The following ZDHHC15 variants were observed in gnomAD, a reference collection of about 807,000 sequenced individuals.
ZDHHC15 encodes the protein palmitoyltransferase ZDHHC15.
A neutral mutation model predicts 31.7 loss-of-function variants in ZDHHC15; 19 were observed. That is an observed-to-expected ratio of 0.60 (90% CI 0.42 to 0.88). The LOEUF is 0.88. Among genes scored for constraint, ZDHHC15 ranks in the 40% least tolerant of loss-of-function variants. ZDHHC15 has a pLI of 0.00. For synonymous variants in ZDHHC15, 103 were observed against 90.0 expected (o/e 1.14, Z -0.82); for missense variants, 209 against 251.2 (o/e 0.83, Z 1.14).
chrX:75,456,582 T>C (rs1174560526), intron 3 of ZDHHC15, among the ~76,000 whole-genome samples: 1 of 111,532 alleles, frequency 9.0e-6, no homozygotes, highest in African/African-American at 3.3e-5. Context: ...GAAAGAGGAA[T>C]GTTTTTATAC....
chrX:75,414,426 C>CT (rs1177332052), intron 10 of ZDHHC15, among the ~76,000 whole-genome samples: 5,133 of 66,159 alleles, frequency 0.078, 910 homozygotes, highest in African/African-American at 0.29. Flanking sequence ...CATATTTTAT[C>CT]TTTTTTTTTT....
At chrX:75,398,082 C>T (rs919149153) in intron 10 of ZDHHC15, among the ~76,000 whole-genome samples, 1 of 112,013 alleles carries the variant, frequency 8.9e-6, no homozygotes, top group Non-Finnish European at 1.9e-5. Flanking sequence ...ATCCAGGGGG[C>T]TGAGCAGTAA....
intron 4 of ZDHHC15, among the ~76,000 whole-genome samples, chrX:75,435,593 G>A (rs1252423924): frequency 8.9e-6 from 1 of 112,198 alleles, no homozygotes; most frequent in East Asian, 2.8e-4. Context: ...CGTCTATTGA[G>A]ATGATCATGT....
intron 9 of ZDHHC15, among the ~76,000 whole-genome samples, chrX:75,419,200 T>C (rs1046444526): frequency 5.4e-5 from 6 of 111,857 alleles, no homozygotes; most frequent in African/African-American, 1.9e-4. Flanking sequence ...AATCTACTCA[T>C]CTGACAAAGG....
rs764499019 is a variant in ZDHHC15 at position 75,401,247 on chromosome X, G to A, written c.967+15840C>T. ...ACATTAAAGCAGTCACTTTTCCTGT[G>A]CTGTTTCCAAAAAAAAAAAAAGAAA... On this transcript the variant is annotated intron_variant, in intron 10 of 11. Coordinates refer to ENST00000373367, the MANE Select transcript of ZDHHC15 (RefSeq NM_144969.3). Among the ~76,000 whole-genome samples, 4 of 101,144 alleles carry A rather than the reference G, an allele frequency of 4.0e-5. No individual in the cohort carries two copies. The South Asian group carries it at 1.8e-3, about 45-fold the overall frequency. 87.8% of individuals were successfully genotyped at this position (101,144 alleles called of 115,157 possible). A position where few individuals can be genotyped will look rare whatever the true frequency, so the allele number is the denominator to read the frequency against.
At chrX:75,493,661 A>G (rs2084938694) in intron 2 of ZDHHC15, among the ~76,000 whole-genome samples, 1 of 112,104 alleles carries the variant, frequency 8.9e-6, no homozygotes, top group Non-Finnish European at 1.9e-5. Flanking sequence ...TCAGCATATA[A>G]ACAGAACCAA....
rs139863988 is a variant in ZDHHC15 at position 75,424,656 on chromosome X, G to A, written c.732C>T (p.Thr244=). The A allele has an allele frequency of 8.3e-7, 1 of 1,202,427 alleles. No homozygotes were observed. The highest frequency in any genetic ancestry group is 1.8e-5 in the African/African-American group (1 of 57,142). ...HCWLVSRNKT[T]LEAFCTPVFT... is the part of the protein sequence containing the mutation. ...AATCTTAATATTCAGTCTTACCTAA[G>A]GTGGTTTTGTTTCTGCTGACAAGCC... Residue 244 remains threonine (T), a synonymous_variant, in exon 8 of 12, where the codon ACC becomes ACT. Coordinates refer to ENST00000373367, the MANE Select transcript of ZDHHC15 (RefSeq NM_144969.3).
chrX:75,409,836 T>C (rs1394421377), intron 10 of ZDHHC15, among the ~76,000 whole-genome samples: 2 of 84,906 alleles, frequency 2.4e-5, no homozygotes, highest in East Asian at 8.1e-4. Context: ...ACAACAACAC[T>C]ACAAAGCAAT....
intron 2 of ZDHHC15, 107 bp from the exon 3 acceptor site, chrX:75,479,092 T>A: frequency 2.1e-6 from 1 of 471,813 alleles, no homozygotes; most frequent in Non-Finnish European, 3.3e-6. Flanking sequence ...TATTAACATG[T>A]ATTCTCTGGT....
intron 10 of ZDHHC15, among the ~76,000 whole-genome samples, chrX:75,396,733 G>C (rs1217480974): frequency 9.0e-6 from 1 of 111,047 alleles, no homozygotes; most frequent in Non-Finnish European, 1.9e-5. Flanking sequence ...AGATTTAAAA[G>C]CAACCTAAGT....
At chrX:75,374,845 T>G (rs1317253417) in intron 11 of ZDHHC15, among the ~76,000 whole-genome samples, 1 of 110,744 alleles carries the variant, frequency 9.0e-6, no homozygotes, top group Non-Finnish European at 1.9e-5. Context: ...ATCTACTTGT[T>G]TAAAATTCTA....
intron 9 of ZDHHC15, among the ~76,000 whole-genome samples, chrX:75,419,667 C>T (rs1266415682): frequency 1.8e-5 from 2 of 109,778 alleles, no homozygotes; most frequent in African/African-American, 6.6e-5. Flanking sequence ...TACTGCGGCA[C>T]TATTCACAAT....
At chrX:75,496,560 T>C (rs1379337401) in intron 2 of ZDHHC15, among the ~76,000 whole-genome samples, 2 of 111,808 alleles carry the variant, frequency 1.8e-5, no homozygotes, top group African/African-American at 6.5e-5. Context: ...TATACATTCT[T>C]TTCATCAGCA....
chrX:75,409,818 AAACAAC>A (rs1280655279), intron 10 of ZDHHC15, among the ~76,000 whole-genome samples: 1 of 79,270 alleles, frequency 1.3e-5, no homozygotes, highest in Non-Finnish European at 2.3e-5. Context: ...AAAAAAAAAA[AAACAAC>A]AACAACAACA....
At chrX:75,442,782 C>T (rs1376158739) in intron 4 of ZDHHC15, among the ~76,000 whole-genome samples, 22 of 108,568 alleles carry the variant, frequency 2.0e-4, no homozygotes, top group Admixed American at 8.8e-4. Context: ...GTCAGGAGAT[C>T]GAGACCATCC....
At chrX:75,385,917 T>A (rs965635063) in intron 10 of ZDHHC15, among the ~76,000 whole-genome samples, 1 of 112,066 alleles carries the variant, frequency 8.9e-6, no homozygotes, top group Non-Finnish European at 1.9e-5. Flanking sequence ...ACTTTATGTA[T>A]CTTATCTCCC....
rs1185254666 is a variant in ZDHHC15 at position 75,396,853 on chromosome X, G to A, written c.968-17655C>T. On this transcript the variant is annotated intron_variant, in intron 10 of 11. Transcript: ENST00000373367. ...TATTTGCAACAACATGGATGGAACTGGAGGTCATTATGTTAAGTGAAATAA... is the reference window on the plus strand; with the variant it reads ...TATTTGCAACAACATGGATGGAACTAGAGGTCATTATGTTAAGTGAAATAA... Among the ~76,000 whole-genome samples the A allele has an allele frequency of 3.6e-5, 4 of 111,718 alleles. No homozygotes were observed. The East Asian group carries it at 8.4e-4, about 23-fold the overall frequency.
At chrX:75,422,132 T>C (rs2083652766) in intron 8 of ZDHHC15, 142 bp from the exon 9 acceptor site, 6 of 709,812 alleles carry the variant, frequency 8.5e-6, no homozygotes, top group Non-Finnish European at 1.2e-5. Context: ...AGACCTCTCA[T>C]TTTTAGGTAT....
intron 2 of ZDHHC15, among the ~76,000 whole-genome samples, chrX:75,492,072 G>C (rs772295679): frequency 2.8e-4 from 31 of 111,185 alleles, no homozygotes; most frequent in Admixed American, 1.1e-3. Context: ...ACACATATAG[G>C]CTCAAAATAA....
Sources: gnomAD v4.1 joint callset for allele counts (sites outside exome capture counted in the v4.1 genomes callset) on GRCh38, gnomAD v4.1.1 for gene constraint, MANE v1.5 for transcripts, NCBI Gene and HGNC (gene_info 2026-07-23, HGNC 2026-07-21) for gene names.